DOCK3: variants seen among roughly 807,000 people sequenced by gnomAD.
DOCK3 encodes the protein dedicator of cytokinesis 3.
A neutral mutation model predicts 265.6 loss-of-function variants in DOCK3; 60 were observed. The observed-to-expected ratio is 0.23, with a 90% confidence interval of 0.18 to 0.28. The LOEUF (loss-of-function observed/expected upper bound fraction) is 0.28. Ranked by LOEUF, DOCK3 falls within the 10% of genes least tolerant of loss-of-function variation. The probability of loss-of-function intolerance (pLI) is 1.00; values close to 1 mark genes in which losing one functional copy is unlikely to be tolerated. For synonymous variants in DOCK3, 881 were observed against 938.0 expected (o/e 0.94, Z 1.11); for missense variants, 1,981 against 2,594.3 (o/e 0.76, Z 5.14).
chr3:50,887,209 C>T (rs1164103338), intron 3 of DOCK3, among the ~76,000 whole-genome samples: 5 of 152,050 alleles, frequency 3.3e-5, no homozygotes, highest in Non-Finnish European at 7.4e-5. Context: ...GAAATACAAA[C>T]TACCATCAGA....
chr3:51,282,586 G>C (rs2081184061), intron 27 of DOCK3, among the ~76,000 whole-genome samples: 2 of 151,308 alleles, frequency 1.3e-5, no homozygotes, highest in Non-Finnish European at 1.5e-5. Flanking sequence ...CTGGTAGGTG[G>C]AGGTTGCGGT....
intron 24 of DOCK3, among the ~76,000 whole-genome samples, chr3:51,273,988 T>C (rs536604563): frequency 9.1e-4 from 139 of 152,262 alleles, no homozygotes; most frequent in African/African-American, 3.2e-3. Context: ...ATTCTACAGA[T>C]GAGGAAAATA....
At position 50,820,482 on chromosome 3, in the gene DOCK3, GT is replaced by G. The variant is rs1287995381; in HGVS notation, c.122-21191del. 4.6e-5 allele frequency among the ~76,000 whole-genome samples: 7 copies of G among 152,334 alleles called. No homozygotes were observed. The East Asian group carries it at 1.3e-3, about 29-fold the overall frequency. On this transcript the variant is annotated intron_variant, in intron 2 of 52. Coordinates refer to ENST00000266037, the MANE Select transcript of DOCK3 (RefSeq NM_004947.5). The stretch of plus-strand genomic sequence containing the variant: ...GATAATAGCCTCCAGCTGCATCCAT[GT>G]TGCTACAAAGGACGTGATTTCATTC...
At chr3:51,175,598 A>G (rs548526842) in intron 12 of DOCK3, among the ~76,000 whole-genome samples, 1 of 151,966 alleles carries the variant, frequency 6.6e-6, no homozygotes, top group African/African-American at 2.4e-5. Context: ...AGACAGATGT[A>G]TCTCCCAGCA....
intron 7 of DOCK3, among the ~76,000 whole-genome samples, chr3:51,079,651 C>T (rs1345852790): frequency 6.6e-6 from 1 of 152,120 alleles, no homozygotes; most frequent in Non-Finnish European, 1.5e-5. Flanking sequence ...CCATACTTAG[C>T]AGGATTTTGC....
chr3:51,228,040 T>C lies in DOCK3; in HGVS notation c.1599T>C (p.Asp533=). Residue 533 remains aspartate, a synonymous_variant, in exon 17 of 53, where the codon GAT becomes GAC. Coordinates refer to ENST00000266037, the MANE Select transcript of DOCK3 (RefSeq NM_004947.5). ...FGFAFSTLMR[D]DGTTLSDDIH... ...TTGCATTCTCAACCCTGATGCGTGATGATGGCACCACCCTCTCAGATGATA... is the reference window on the plus strand; with the variant it reads ...TTGCATTCTCAACCCTGATGCGTGACGATGGCACCACCCTCTCAGATGATA... The C allele has an allele frequency of 6.2e-7, 1 of 1,614,068 alleles. No homozygotes were observed. The highest frequency in any genetic ancestry group is 2.2e-5 in the East Asian group (1 of 44,886).
intron 2 of DOCK3, among the ~76,000 whole-genome samples, chr3:50,794,346 C>T (rs1385052402): frequency 6.6e-6 from 1 of 152,108 alleles, no homozygotes; most frequent in Non-Finnish European, 1.5e-5. Flanking sequence ...AAGTTTCCCA[C>T]TATTGTTGTG....
chr3:51,120,325 CCTT>C (rs1309639386), intron 9 of DOCK3, among the ~76,000 whole-genome samples: 1 of 152,170 alleles, frequency 6.6e-6, no homozygotes, highest in Non-Finnish European at 1.5e-5. Flanking sequence ...TGCTGTCTGT[CCTT>C]CTTCTGAAAG....
chr3:51,135,703 CTTTTT>C (rs935440994), intron 9 of DOCK3, among the ~76,000 whole-genome samples: 1 of 151,874 alleles, frequency 6.6e-6, no homozygotes, highest in Non-Finnish European at 1.5e-5. Flanking sequence ...ATCCAGTACT[CTTTTT>C]TTTATTTTAT....
chr3:50,837,216 T>A (rs1427945403), intron 2 of DOCK3, among the ~76,000 whole-genome samples: 1 of 152,182 alleles, frequency 6.6e-6, no homozygotes, highest in African/African-American at 2.4e-5. Context: ...GCTTCCACAT[T>A]TTTGGGTATC....
intron 5 of DOCK3, among the ~76,000 whole-genome samples, chr3:51,016,511 T>C (rs2079251491): frequency 2.1e-5 from 2 of 95,770 alleles, no homozygotes; most frequent in South Asian, 6.2e-4. Flanking sequence ...ATAATATATA[T>C]ATCATATATT....
intron 2 of DOCK3, among the ~76,000 whole-genome samples, chr3:50,827,342 C>A (rs1426322528): frequency 5.9e-5 from 9 of 152,294 alleles, no homozygotes; most frequent in Non-Finnish European, 4.4e-5. Context: ...AGGTGCCAAA[C>A]AGATTTAATG....
intron 2 of DOCK3, among the ~76,000 whole-genome samples, chr3:50,828,441 G>C (rs2044910352): frequency 6.6e-6 from 1 of 151,962 alleles, no homozygotes; most frequent in Non-Finnish European, 1.5e-5. Flanking sequence ...GTCTCACTAT[G>C]TCACCCAGGC....
Position 51,226,739 on chromosome 3 carries a change from G to C in DOCK3, c.1378-544G>C, listed in dbSNP as rs75142507. Among the ~76,000 whole-genome samples the C allele has an allele frequency of 1.3e-3, 192 of 152,340 alleles. 5 individuals are homozygous for C. The East Asian group carries it at 0.029, about 23-fold the overall frequency. ...TGTTGTCCAGACAAGGGCATGGGCA[G>C]TACTGAGACAGCATCTTCATGGCAA... On this transcript the variant is annotated intron_variant, in intron 15 of 52. Transcript: ENST00000266037.
chr3:51,148,268 A>G (rs979533582), intron 10 of DOCK3, among the ~76,000 whole-genome samples: 6 of 152,232 alleles, frequency 3.9e-5, no homozygotes, highest in African/African-American at 1.4e-4. Context: ...GTAAATTGCA[A>G]AAATGTTCTC....
chr3:51,066,054 G>A (rs2081579902), intron 6 of DOCK3, among the ~76,000 whole-genome samples: 1 of 152,152 alleles, frequency 6.6e-6, no homozygotes, highest in Admixed American at 6.5e-5. Context: ...AAGAAGTGGA[G>A]AATGTAATTT....
chr3:51,104,737 G>A (rs1353800042), intron 9 of DOCK3, among the ~76,000 whole-genome samples: 1 of 152,114 alleles, frequency 6.6e-6, no homozygotes, highest in African/African-American at 2.4e-5. Context: ...GAGTTGCTCA[G>A]GGTATTGTCA....
rs543432856 is a variant in DOCK3, at chr3:50,711,665, C to A, written c.37+36365C>A. The stretch of plus-strand genomic sequence containing the variant: ...TTTTGTTTGATGTCTTTGTCTTGTT[C>A]TGATATTAGGGTAATACTGGCCCCA... On this transcript the variant is annotated intron_variant, in intron 1 of 52. Coordinates refer to ENST00000266037, the MANE Select transcript of DOCK3 (RefSeq NM_004947.5). Among the ~76,000 whole-genome samples the A allele has an allele frequency of 5.9e-5, 9 of 152,182 alleles. No individual in the cohort carries two copies. In the South Asian group the frequency reaches 1.9e-3, roughly 32 times the overall value.
rs888497690 is a variant in DOCK3 at position 50,898,406 on chromosome 3, T to G, written c.218+8325T>G. Among the ~76,000 whole-genome samples, 9 of 152,316 alleles carry G rather than the reference T, an allele frequency of 5.9e-5. 1 individual carries two copies. In the South Asian group the frequency reaches 1.9e-3, roughly 32 times the overall value. On this transcript the variant is annotated intron_variant, in intron 4 of 52. Transcript: ENST00000266037. ...TGGTCTGGCTAGCGGTCTACCTATT[T>G]TGTTAATCTTTTCAAAAAACCAGTT...
Sources: allele counts gnomAD v4.1 joint callset (sites outside exome capture counted in the v4.1 genomes callset), GRCh38; gene constraint gnomAD v4.1.1; transcripts MANE v1.5; gene names NCBI Gene and HGNC (gene_info 2026-07-23, HGNC 2026-07-21).